Variants in SDR42E2 observed in about 807,000 individuals in gnomAD.
SDR42E2 encodes the protein putative short-chain dehydrogenase/reductase family 42E member 2.
In SDR42E2, 20 loss-of-function variants were observed where a neutral mutation model predicts 10.5. The ratio of observed to expected loss-of-function variants is 1.90; its 90% CI spans 1.34 to 2.77. The LOEUF is 2.77. Among genes scored for constraint, SDR42E2 ranks in the 30% most tolerant of loss-of-function variants. The probability of loss-of-function intolerance (pLI) is 0.00; values close to 1 mark genes in which losing one functional copy is unlikely to be tolerated. For synonymous variants in SDR42E2, 72 were observed against 39.2 expected, an observed-to-expected ratio of 1.84 and a Z score of -3.12; for missense variants, 162 against 104.2, an observed-to-expected ratio of 1.55 and a Z score of -2.42.
intron 11 of SDR42E2, among the ~76,000 whole-genome samples, chr16:22,185,766 C>T (rs947305530): frequency 6.6e-6 from 1 of 151,962 alleles, no homozygotes; most frequent in Non-Finnish European, 1.5e-5. Flanking sequence ...ACCACCAGGC[C>T]CAGCTAATTT....
intron 8 of SDR42E2, among the ~76,000 whole-genome samples, chr16:22,180,258 G>T (rs951199812): frequency 2.6e-5 from 4 of 152,080 alleles, no homozygotes; most frequent in African/African-American, 9.7e-5. Context: ...CTCCTGGCTG[G>T]GCATGGGAGC....
At position 22,191,672 on chromosome 16, in the gene SDR42E2, G is replaced by C. The variant is rs183783837; in HGVS notation, c.*1279G>C. The C allele has an allele frequency of 6.6e-5, 10 of 151,330 alleles. No homozygotes were observed. The highest frequency in any genetic ancestry group is 1.3e-4 in the Admixed American group (2 of 15,202). 9.4% of individuals were successfully genotyped at this position (151,330 alleles called of 1,614,324 possible). Reference sequence around the variant, plus strand: ...AGCACAGGTTTTAGTACCAGAAAGAGCATGAAAAATTTAAAAAAAAAAACT... The same window carrying C: ...AGCACAGGTTTTAGTACCAGAAAGACCATGAAAAATTTAAAAAAAAAAACT... On this transcript the variant is annotated 3_prime_UTR_variant, in exon 13 of 13. Coordinates refer to ENST00000602312, the MANE Select transcript of SDR42E2 (RefSeq NM_001394319.2).
At chr16:22,164,537 C>T (rs542703263) in intron 1 of SDR42E2, among the ~76,000 whole-genome samples, 10 of 152,216 alleles carry the variant, frequency 6.6e-5, no homozygotes, top group South Asian at 2.1e-4. Context: ...CCAGCCTGGG[C>T]GACAGAGAAA....
chr16:22,169,703 T>TA (rs1373727988), intron 5 of SDR42E2, among the ~76,000 whole-genome samples: 3 of 152,150 alleles, frequency 2.0e-5, no homozygotes, highest in Non-Finnish European at 4.4e-5. Context: ...GGACCAGAGT[T>TA]ACCTCTCAGG....
chr16:22,168,836 A>G (rs1039789358), intron 4 of SDR42E2, among the ~76,000 whole-genome samples: 1 of 152,074 alleles, frequency 6.6e-6, no homozygotes, highest in African/African-American at 2.4e-5. Flanking sequence ...TTGTACCACT[A>G]CACTCCACCT....
intron 11 of SDR42E2, 70 bp from the exon 12 acceptor site, chr16:22,186,651 G>A (rs1021409989): frequency 3.5e-5 from 14 of 401,012 alleles, no homozygotes; most frequent in African/African-American, 2.3e-4. Flanking sequence ...CCATTGATTT[G>A]TCCCCAAGGG....
chr16:22,186,835 A>T (rs1303777661), intron 12 of SDR42E2, 41 bp downstream of exon 12: 2 of 399,562 alleles, frequency 5.0e-6, no homozygotes, highest in African/African-American at 4.1e-5. Flanking sequence ...CCTGCTCCCC[A>T]TCCCTCCCTT....
intron 11 of SDR42E2, among the ~76,000 whole-genome samples, chr16:22,185,603 C>T (rs2046730994): frequency 6.6e-6 from 1 of 152,028 alleles, no homozygotes; most frequent in Non-Finnish European, 1.5e-5. Flanking sequence ...GGGAGGAAAG[C>T]ATCAGTATTT....
intron 8 of SDR42E2, among the ~76,000 whole-genome samples, chr16:22,180,790 T>G (rs2142075733): frequency 6.6e-6 from 1 of 152,286 alleles, no homozygotes; most frequent in Middle Eastern, 3.4e-3. Flanking sequence ...GTGGATCACC[T>G]GAGGTCAGGA....
At position 22,190,258 on chromosome 16, in the gene SDR42E2, C is replaced by T; in HGVS notation, c.1134C>T (p.Thr378=). ...TGGAGCTATACGTGCAGTCCACGAC[C>T]CGGCGGCCCCGCGGCTCCACGGCGC... ...DAVELYVQST[T]RRPRGSTART... is the part of the protein sequence containing the mutation. The change falls in exon 13 of 13, where the codon ACC becomes ACT. Residue 378 remains threonine (T), a synonymous_variant. Transcript: ENST00000602312. The T allele has an allele frequency of 2.5e-6, 1 of 401,408 alleles. No individual in the cohort carries two copies. Among genetic ancestry groups the T allele is most frequent in the Non-Finnish European group, 4.4e-6 (1 of 226,366 alleles). 24.9% of individuals were successfully genotyped at this position (401,408 alleles called of 1,614,324 possible). A position where few individuals can be genotyped will look rare whatever the true frequency, so the allele number is the denominator to read the frequency against.
In SDR42E2 at chr16:22,178,126, C is replaced by G. The variant is rs1423051848; in HGVS notation, c.590-4C>G. The G allele has an allele frequency of 1.4e-6, 1 of 702,578 alleles. No homozygotes were observed. Among genetic ancestry groups the G allele is most frequent in the Admixed American group, 2.0e-5 (1 of 49,952 alleles). 43.5% of individuals were successfully genotyped at this position (702,578 alleles called of 1,614,324 possible). ...ACCCCTGACCACGCTTCCCTGTGTG[C>G]TAGGAGGAGGCACTCTTCGGACGTG... On this transcript the variant is annotated splice_polypyrimidine_tract_variant and splice_region_variant and intron_variant, in intron 7 of 12. Coordinates refer to ENST00000602312, the MANE Select transcript of SDR42E2 (RefSeq NM_001394319.2).
rs939928407 is a variant in SDR42E2, at chr16:22,165,534, T to C, written c.-36-13T>C. 2 of 401,220 alleles carry C rather than the reference T, an allele frequency of 5.0e-6. No individual in the cohort carries two copies. Among genetic ancestry groups the C allele is most frequent in the Non-Finnish European group, 4.4e-6 (1 of 226,330 alleles). The allele number at this position is 401,220 out of a possible 1,614,324, so 24.9% of individuals were successfully genotyped here. On this transcript the variant is annotated splice_polypyrimidine_tract_variant and intron_variant, in intron 1 of 12. Coordinates refer to ENST00000602312, the MANE Select transcript of SDR42E2 (RefSeq NM_001394319.2). ...ATTCTAGAGCATTCTTTCTTCTATT[T>C]TTTTTCCCACAGGTGGTCGGTTTCT...
At chr16:22,172,734 AG>A (rs1472336886) in intron 7 of SDR42E2, among the ~76,000 whole-genome samples, 1 of 152,206 alleles carries the variant, frequency 6.6e-6, no homozygotes, top group African/African-American at 2.4e-5. Flanking sequence ...GAGGCCCAAA[AG>A]CTCAAGCTTC....
intron 7 of SDR42E2, among the ~76,000 whole-genome samples, chr16:22,177,512 C>T (rs1452138425): frequency 6.6e-6 from 1 of 152,032 alleles, no homozygotes; most frequent in African/African-American, 2.4e-5. Context: ...CCTGTAATCC[C>T]AGCTACTTGG....
chr16:22,190,363 G>A lies in SDR42E2; in HGVS notation c.1239G>A (p.Gln413=), dbSNP rs139413850. Residue 413 remains glutamine (Q), a synonymous_variant, in exon 13 of 13, where the codon CAG becomes CAA. Coordinates refer to ENST00000602312, the MANE Select transcript of SDR42E2 (RefSeq NM_001394319.2). The part of the protein sequence containing the change: ...LALALHFLGL[Q]PLHAAVERL ...TGGCCCTGCACTTCCTAGGCCTGCAGCCTCTGCACGCCGCCGTGGAGCGCC... is the reference window on the plus strand; with the variant it reads ...TGGCCCTGCACTTCCTAGGCCTGCAACCTCTGCACGCCGCCGTGGAGCGCC... 0.011 allele frequency: 4,474 copies of A among 401,926 alleles called. 46 individuals carry two copies. Among genetic ancestry groups the A allele is most frequent in the East Asian group, 0.035 (976 of 28,082 alleles). The allele number at this position is 401,926 out of a possible 1,614,324, so 24.9% of individuals were successfully genotyped here.
At chr16:22,183,382 C>A (rs1456575550) in intron 10 of SDR42E2, among the ~76,000 whole-genome samples, 1 of 152,166 alleles carries the variant, frequency 6.6e-6, no homozygotes, top group South Asian at 2.1e-4. Flanking sequence ...TTTATGTTGG[C>A]TTCTAGCCCT....
rs759386268 is a variant in SDR42E2, at chr16:22,166,936, T to C, written c.273T>C (p.Arg91=). ...TCCGAGATGAAGAAGCCCTGTACCGTGCCTTCGAAGGGGTGGACTGTGTCT... is the reference window on the plus strand; with the variant it reads ...TCCGAGATGAAGAAGCCCTGTACCGCGCCTTCGAAGGGGTGGACTGTGTCT... ...ADVRDEEALY[R]AFEGVDCVFH... Residue 91 remains arginine (R), a synonymous_variant, in exon 4 of 13, where the codon CGT becomes CGC. Transcript: ENST00000602312. 1.4e-6 allele frequency: 1 copy of C among 701,074 alleles called. No homozygotes were observed. The highest frequency in any genetic ancestry group is 1.5e-5 in the South Asian group (1 of 67,436). 43.4% of individuals were successfully genotyped at this position (701,074 alleles called of 1,614,324 possible).
At chr16:22,162,687 G>A (rs1020423440) in intron 1 of SDR42E2, among the ~76,000 whole-genome samples, 123 bp downstream of exon 1, 2 of 152,184 alleles carry the variant, frequency 1.3e-5, no homozygotes, top group Non-Finnish European at 2.9e-5. Flanking sequence ...GCGCTCTCAG[G>A]GTCAGTCCCT....
chr16:22,169,155 A>C (rs145855004), intron 4 of SDR42E2, among the ~76,000 whole-genome samples: 5 of 152,292 alleles, frequency 3.3e-5, no homozygotes, highest in Non-Finnish European at 5.9e-5. Context: ...GCACTGTACC[A>C]GGTCCTCTCA....
Sources: gnomAD v4.1 joint callset for allele counts (sites outside exome capture counted in the v4.1 genomes callset) on GRCh38, gnomAD v4.1.1 for gene constraint, MANE v1.5 for transcripts, NCBI Gene and HGNC (gene_info 2026-07-23, HGNC 2026-07-21) for gene names.